Variants in CCNI observed in about 807,000 individuals in gnomAD.
CCNI encodes cyclin I.
Under a neutral mutation model 34.1 loss-of-function variants are expected in CCNI, and 14 were observed. The observed-to-expected ratio is 0.41, with a 90% CI of 0.27 to 0.64. The LOEUF (loss-of-function observed/expected upper bound fraction) is 0.64, where lower values mean the gene tolerates loss of function less well. Among genes scored for constraint, CCNI ranks in the 30% least tolerant of loss-of-function variants. The pLI is 0.31. For synonymous variants in CCNI, 154 were observed against 158.4 expected (o/e 0.97, Z 0.21); for missense variants, 385 against 440.5 (o/e 0.87, Z 1.13).
intron 2 of CCNI, among the ~76,000 whole-genome samples, chr4:77,063,690 C>CAA (rs781072789): frequency 1.3e-4 from 15 of 112,086 alleles, no homozygotes; most frequent in East Asian, 5.1e-4. Flanking sequence ...ACTCTGTCTC[C>CAA]AAAAAAAAAA....
At chr4:77,063,172 A>G (rs1728736332) in intron 2 of CCNI, among the ~76,000 whole-genome samples, 1 of 152,142 alleles carries the variant, frequency 6.6e-6, no homozygotes, top group South Asian at 2.1e-4. Context: ...ATGCAAATTA[A>G]ACAAGAATTA....
intron 1 of CCNI, among the ~76,000 whole-genome samples, chr4:77,073,301 A>G (rs1252455257): frequency 6.6e-6 from 1 of 152,216 alleles, no homozygotes; most frequent in African/African-American, 2.4e-5. Flanking sequence ...ATAGTTTATA[A>G]AAGGCTTACT....
At chr4:77,050,944 G>A (rs1727781816) in intron 6 of CCNI, among the ~76,000 whole-genome samples, 2 of 152,090 alleles carry the variant, frequency 1.3e-5, no homozygotes, top group Non-Finnish European at 2.9e-5. Context: ...TGGGGGATTA[G>A]TTCTAGGATC....
At chr4:77,056,811 C>T (rs1728273753) in intron 3 of CCNI, among the ~76,000 whole-genome samples, 1 of 151,942 alleles carries the variant, frequency 6.6e-6, no homozygotes, top group Admixed American at 6.6e-5. Context: ...CCAGGATGGT[C>T]TCATCTCCTG....
intron 5 of CCNI, among the ~76,000 whole-genome samples, chr4:77,055,747 G>A (rs1018147027): frequency 2.0e-5 from 3 of 152,144 alleles, no homozygotes; most frequent in East Asian, 3.9e-4. Flanking sequence ...GATTACAGGC[G>A]TGAGCCACCG....
rs4252759 is a variant in CCNI at position 77,075,730 on chromosome 4, G to A, written c.-302C>T. 4.4e-3 allele frequency: 959 copies of A among 218,880 alleles called. 15 individuals carry two copies. The highest frequency in any genetic ancestry group is 0.021 in the African/African-American group (910 of 42,644). 13.6% of individuals were successfully genotyped at this position (218,880 alleles called of 1,614,324 possible). On this transcript the variant is annotated 5_prime_UTR_variant, in exon 1 of 7. Coordinates refer to ENST00000237654, the MANE Select transcript of CCNI (RefSeq NM_006835.3). ...GCGAATTAGTTCCATGATGACCCCCGGCCTGAGGCCGCCGCCGCTCGAGCC... is the reference window on the plus strand; with the variant it reads ...GCGAATTAGTTCCATGATGACCCCCAGCCTGAGGCCGCCGCCGCTCGAGCC...
At chr4:77,067,880 A>C (rs2109839007) in intron 1 of CCNI, among the ~76,000 whole-genome samples, 1 of 151,498 alleles carries the variant, frequency 6.6e-6, no homozygotes, top group East Asian at 1.9e-4. Context: ...GAAACTGCTA[A>C]AGAATGTGAA....
chr4:77,073,581 T>C (rs4252782), intron 1 of CCNI, among the ~76,000 whole-genome samples: 9,530 of 152,246 alleles, frequency 0.063, 388 homozygotes, highest in South Asian at 0.14. Context: ...AAACAATGAA[T>C]TAAAGGTATT....
intron 2 of CCNI, among the ~76,000 whole-genome samples, chr4:77,060,186 T>C (rs1402873615): frequency 6.6e-6 from 1 of 152,002 alleles, no homozygotes; most frequent in African/African-American, 2.4e-5. Context: ...AACATACAAT[T>C]GTAAGAAGAA....
intron 6 of CCNI, among the ~76,000 whole-genome samples, chr4:77,052,260 C>T (rs1727904919): frequency 6.6e-6 from 1 of 152,074 alleles, no homozygotes; most frequent in Non-Finnish European, 1.5e-5. Flanking sequence ...TAATGGCCTC[C>T]AGCTGCATCC....
chr4:77,056,677 C>T lies in CCNI; in HGVS notation c.244-354G>A, dbSNP rs543800876. On this transcript the variant is annotated intron_variant, in intron 3 of 6. Coordinates refer to ENST00000237654, the MANE Select transcript of CCNI (RefSeq NM_006835.3). ...CGATGTCAGCTCAGTGCAAGCTCCG[C>T]CTCCTGGGTTCATGCCATTCTCCTG... Among the ~76,000 whole-genome samples, 55 of 151,592 alleles carry T rather than the reference C, an allele frequency of 3.6e-4. 2 individuals carry two copies. The South Asian group carries it at 4.8e-3, about 13-fold the overall frequency.
At chr4:77,067,619 T>G (rs1267462829) in intron 1 of CCNI, among the ~76,000 whole-genome samples, 1 of 151,044 alleles carries the variant, frequency 6.6e-6, no homozygotes, top group Admixed American at 6.6e-5. Flanking sequence ...GCCTCCCAAA[T>G]AGCTGGGACT....
intron 6 of CCNI, among the ~76,000 whole-genome samples, chr4:77,050,507 A>T (rs147552699): frequency 3.3e-5 from 5 of 152,354 alleles, no homozygotes; most frequent in African/African-American, 1.2e-4. Flanking sequence ...TATAATACAA[A>T]TGCAAAGTAA....
chr4:77,070,179 G>A (rs1388563375), intron 1 of CCNI, among the ~76,000 whole-genome samples: 2 of 151,726 alleles, frequency 1.3e-5, no homozygotes, highest in African/African-American at 4.8e-5. Flanking sequence ...CACCACACAT[G>A]GCTAATTTTT....
intron 2 of CCNI, among the ~76,000 whole-genome samples, chr4:77,060,211 T>C (rs780681793): frequency 1.7e-4 from 26 of 151,898 alleles, no homozygotes; most frequent in Non-Finnish European, 3.2e-4. Context: ...AAAGGTAACA[T>C]ACAAAAAAAG....
chr4:77,055,044 T>C lies in CCNI; in HGVS notation c.690+106A>G, dbSNP rs1358965989. 10 of 686,504 alleles carry C rather than the reference T, an allele frequency of 1.5e-5. No homozygotes were observed. In the East Asian group the frequency reaches 2.2e-4, roughly 15 times the overall value. 42.5% of individuals were successfully genotyped at this position (686,504 alleles called of 1,614,324 possible). A position where few individuals can be genotyped will look rare whatever the true frequency, so the allele number is the denominator to read the frequency against. On this transcript the variant is annotated intron_variant, in intron 6 of 6. Transcript: ENST00000237654. ...CTTTACTCTTGTCTACTCTTAAGAATGGTTTGCCATTACAACATGAGAAAT... is the reference window on the plus strand; with the variant it reads ...CTTTACTCTTGTCTACTCTTAAGAACGGTTTGCCATTACAACATGAGAAAT...
At chr4:77,064,167 C>T (rs151058245) in intron 2 of CCNI, among the ~76,000 whole-genome samples, 8 of 151,376 alleles carry the variant, frequency 5.3e-5, no homozygotes, top group East Asian at 1.9e-4. Flanking sequence ...CACTTGAGCC[C>T]GGGAGGCCGA....
rs4252795 is a variant in CCNI, at chr4:77,071,960, A to G, written c.-44+3512T>C. 9.3e-3 allele frequency among the ~76,000 whole-genome samples: 1,422 copies of G among 152,292 alleles called. 21 individuals are homozygous for G. The highest frequency in any genetic ancestry group is 0.032 in the African/African-American group (1,331 of 41,550). ...ATGGCTTCACTGGTTAATTCTACCAACCATTTTCAGAAAAACTAATAGCAA... is the reference window on the plus strand; with the variant it reads ...ATGGCTTCACTGGTTAATTCTACCAGCCATTTTCAGAAAAACTAATAGCAA... On this transcript the variant is annotated intron_variant, in intron 1 of 6. Transcript: ENST00000237654.
At chr4:77,058,365 A>G in intron 3 of CCNI, 142 bp downstream of exon 3, 2 of 521,988 alleles carry the variant, frequency 3.8e-6, no homozygotes, top group South Asian at 6.7e-5. Context: ...AGACATCACC[A>G]TGTCTTCTTA....
Sources: allele counts gnomAD v4.1 joint callset (sites outside exome capture counted in the v4.1 genomes callset), GRCh38; gene constraint gnomAD v4.1.1; transcripts MANE v1.5; gene names NCBI Gene and HGNC (gene_info 2026-07-23, HGNC 2026-07-21).